Variants in ITGAE observed in about 807,000 individuals in gnomAD.
The protein encoded by ITGAE is integrin subunit alpha E, also known as integrin alpha-E.
A neutral mutation model predicts 136.5 loss-of-function variants in ITGAE; 99 were observed. The observed-to-expected ratio is 0.73, with a 90% CI of 0.62 to 0.86. ITGAE has a LOEUF of 0.86. Among genes scored for constraint, ITGAE ranks in the 40% least tolerant of loss-of-function variants. ITGAE has a pLI of 0.00. For missense variants in ITGAE, 1,447 were observed against 1,515.3 expected, an observed-to-expected ratio of 0.95 and a Z score of 0.75; for synonymous variants, 613 against 591.8, an observed-to-expected ratio of 1.04 and a Z score of -0.52.
chr17:3,793,121 C>T (rs566768275), intron 1 of ITGAE, among the ~76,000 whole-genome samples: 139 of 151,434 alleles, frequency 9.2e-4, no homozygotes, highest in Non-Finnish European at 1.5e-3. Context: ...GCACAACTTT[C>T]GTCTCACTGC....
At chr17:3,732,564 T>G in intron 21 of ITGAE, 98 bp from the exon 22 acceptor site, 1 of 1,014,026 alleles carries the variant, frequency 9.9e-7, no homozygotes, top group African/African-American at 1.6e-5. Context: ...CACTAATTTT[T>G]CTGCCTGTCA....
intron 17 of ITGAE, 77 bp downstream of exon 17, chr17:3,747,845 T>A: frequency 8.2e-6 from 2 of 242,582 alleles, no homozygotes; most frequent in Non-Finnish European, 1.6e-5. Context: ...GCCCCAGTCC[T>A]CTTTCCCTGC....
chr17:3,782,542 A>G (rs1469502067), intron 1 of ITGAE, among the ~76,000 whole-genome samples: 1 of 151,628 alleles, frequency 6.6e-6, no homozygotes, highest in East Asian at 1.9e-4. Context: ...TAATTTTTGT[A>G]TTTTTAGTAG....
intron 1 of ITGAE, among the ~76,000 whole-genome samples, chr17:3,789,559 G>A (rs1198113397): frequency 6.7e-6 from 1 of 149,790 alleles, no homozygotes; most frequent in Admixed American, 6.7e-5. Flanking sequence ...GGAGTGCAGT[G>A]GTGCAATCTC....
At position 3,723,379 on chromosome 17, in the gene ITGAE, A is replaced by T; in HGVS notation, c.3146T>A (p.Val1049Glu). The T allele has an allele frequency of 2.5e-6, 4 of 1,612,058 alleles. No homozygotes were observed. The highest frequency in any genetic ancestry group is 1.7e-4 in the Middle Eastern group (1 of 6,054). Residue 1049 changes from valine (V) to glutamate (E), a missense_variant, in exon 28 of 31, where the codon GTG becomes GAG. Val to Glu is a moderately radical substitution (Grantham distance 121, BLOSUM62 -2). Transcript: ENST00000263087. ...RACAYSSVQH[V>E]EEWHSVSCVI... is the part of the protein sequence containing the mutation. The stretch of plus-strand genomic sequence containing the variant: ...ACAGCTCACTGAATGCCATTCTTCC[A>T]CATGCTGGAAAAGCGAGGTCTAGTG...
chr17:3,791,385 T>A (rs2052935679), intron 1 of ITGAE, among the ~76,000 whole-genome samples: 1 of 151,772 alleles, frequency 6.6e-6, no homozygotes, highest in African/African-American at 2.4e-5. Flanking sequence ...CGGATTCAAG[T>A]GATTCTCCTG....
At chr17:3,722,240 G>C (rs1031105466) in intron 28 of ITGAE, 3 of 152,156 alleles carry the variant, frequency 2.0e-5, no homozygotes, top group Non-Finnish European at 4.4e-5. Flanking sequence ...CCAGCACTTT[G>C]GGAGGCTGAG....
intron 8 of ITGAE, among the ~76,000 whole-genome samples, chr17:3,758,797 A>G (rs559188136): frequency 2.6e-5 from 4 of 152,144 alleles, no homozygotes; most frequent in African/African-American, 4.8e-5. Flanking sequence ...ACAGGTCACA[A>G]GGTCCTTCAG....
intron 17 of ITGAE, 147 bp from the exon 18 acceptor site, chr17:3,746,074 T>C (rs1480630235): frequency 2.9e-6 from 2 of 689,258 alleles, no homozygotes; most frequent in Non-Finnish European, 4.7e-6. Flanking sequence ...CCTGCGTCGG[T>C]TTTTCAAAGA....
chr17:3,743,558 G>C lies in ITGAE; in HGVS notation c.2379C>G (p.Thr793=), dbSNP rs1221355902. ...ASVKVSYQLQ[T]PEGQTDHPQP... ...GGGGATGGTCCGTCTGTCCCTCAGG[G>C]GTCTGGAGCTGGTAGCTGACTTTGA... The change falls in exon 19 of 31, where the codon ACC becomes ACG. Residue 793 remains threonine (T), a synonymous_variant. Coordinates refer to ENST00000263087, the MANE Select transcript of ITGAE (RefSeq NM_002208.5). 1.9e-6 allele frequency: 3 copies of C among 1,613,090 alleles called. No homozygotes were observed. Among genetic ancestry groups the C allele is most frequent in the East Asian group, 4.5e-5 (2 of 44,862 alleles).
At chr17:3,786,083 C>T (rs1176563074) in intron 1 of ITGAE, among the ~76,000 whole-genome samples, 9 of 148,368 alleles carry the variant, frequency 6.1e-5, no homozygotes, top group East Asian at 2.0e-4. Context: ...AGGAGAATGG[C>T]GTGAACCCGG....
intron 2 of ITGAE, among the ~76,000 whole-genome samples, chr17:3,764,475 T>C (rs1158753874): frequency 1.3e-5 from 2 of 152,172 alleles, no homozygotes; most frequent in Non-Finnish European, 2.9e-5. Flanking sequence ...GGCAGGTGGA[T>C]CATCTGGGGT....
chr17:3,731,076 ACT>A lies in ITGAE; in HGVS notation c.2834+26_2834+27del, dbSNP rs746099653. ...AGATGTCTTCCGGGGTCATAGCCTGACTCTGCTGTGACCCAGGCAGTACTTAC... is the reference window on the plus strand; with the variant it reads ...AGATGTCTTCCGGGGTCATAGCCTGACTGCTGTGACCCAGGCAGTACTTAC... On this transcript the variant is annotated intron_variant, in intron 23 of 30. Coordinates refer to ENST00000263087, the MANE Select transcript of ITGAE (RefSeq NM_002208.5). The A allele has an allele frequency of 5.7e-5, 89 of 1,572,758 alleles. No homozygotes were observed. The African/African-American group carries it at 9.7e-4, about 17-fold the overall frequency.
intron 28 of ITGAE, chr17:3,720,728 A>G (rs2051033398): frequency 5.1e-6 from 1 of 196,954 alleles, no homozygotes; most frequent in African/African-American, 2.4e-5. Context: ...AATTATGGGC[A>G]TGTGCCACCA....
Position 3,727,947 on chromosome 17 carries a change from A to G in ITGAE, c.3056T>C (p.Val1019Ala), listed in dbSNP as rs2976230. 0.22 allele frequency: 359,316 copies of G among 1,612,292 alleles called. 46,386 individuals carry two copies. Among genetic ancestry groups the G allele is most frequent in the African/African-American group, 0.57 (42,649 of 74,864 alleles). The change falls in exon 26 of 31, where the codon GTA becomes GCA. Residue 1019 changes from valine to alanine, a missense_variant. Physicochemically the swap from Val to Ala is moderately conservative, Grantham distance 64. Around this residue, in one of 3 missense-constraint regions of ITGAE, gnomAD observed 1,031 missense variants for 1,011.4 expected, o/e 1.02. Coordinates refer to ENST00000263087, the MANE Select transcript of ITGAE (RefSeq NM_002208.5). ...VPTKLRGLQV[V>A]AVKKLTRTQA... ...AGTCCTCGTCAGCTTCTTCACTGCT[A>G]CAACCTGGAGACCTCGTAATTTGGT...
At chr17:3,728,312 T>C in intron 24 of ITGAE, 144 bp from the exon 25 acceptor site, 1 of 624,690 alleles carries the variant, frequency 1.6e-6, no homozygotes, top group East Asian at 3.2e-5. Flanking sequence ...CAAGTGATCC[T>C]CCACCTCAGC....
chr17:3,740,184 G>A (rs1436667340), intron 19 of ITGAE, among the ~76,000 whole-genome samples: 6 of 152,194 alleles, frequency 3.9e-5, no homozygotes, highest in Non-Finnish European at 7.3e-5. Context: ...TACATCATGC[G>A]AATTCAGCAG....
intron 9 of ITGAE, 66 bp from the exon 10 acceptor site, chr17:3,757,200 G>A: frequency 1.3e-6 from 2 of 1,563,442 alleles, no homozygotes; most frequent in Non-Finnish European, 1.7e-6. Flanking sequence ...GGAGAGAGCT[G>A]AGCCCCTCCA....
rs1567569122 is a variant in ITGAE, at chr17:3,799,735, CAT to C, written c.34+1374_34+1375del. Among the ~76,000 whole-genome samples, 1 of 152,204 alleles carries C rather than the reference CAT, an allele frequency of 6.6e-6. No individual in the cohort carries two copies. Among genetic ancestry groups the C allele is most frequent in the East Asian group, 1.9e-4 (1 of 5,188 alleles). On this transcript the variant is annotated intron_variant, in intron 1 of 30. Transcript: ENST00000263087. The surrounding 1 kb of genome is among the most constrained non-coding windows in gnomAD (Gnocchi z 4.1). ...AGAGTGAGACTCTCTCCACACCCCA[CAT>C]GTAACTAAAAACAGAGAAGTCTAAA...
Sources: allele counts gnomAD v4.1 joint callset (sites outside exome capture counted in the v4.1 genomes callset), GRCh38; gene constraint gnomAD v4.1.1; regional missense constraint gnomAD v4.1.1; non-coding constraint Gnocchi (gnomAD v3.1); transcripts MANE v1.5; gene names NCBI Gene and HGNC (gene_info 2026-07-23, HGNC 2026-07-21).